RNGTT: variants seen among roughly 807,000 people sequenced by gnomAD.
RNGTT encodes mRNA-capping enzyme.
Under a neutral mutation model 79.3 loss-of-function variants are expected in RNGTT, and 33 were observed. The ratio of observed to expected loss-of-function variants is 0.42; its 90% CI spans 0.32 to 0.56. The LOEUF is 0.56. RNGTT is among the 20% of genes least tolerant of loss of function. The pLI, the probability that RNGTT is intolerant of heterozygous loss-of-function variation, is 0.17. For synonymous variants in RNGTT, 222 were observed against 235.9 expected, an observed-to-expected ratio of 0.94 and a Z score of 0.54; for missense variants, 497 against 739.1, an observed-to-expected ratio of 0.67 and a Z score of 3.80.
chr6:88,842,881 A>G (rs9362574), intron 11 of RNGTT, among the ~76,000 whole-genome samples: 9,045 of 152,014 alleles, frequency 0.06, 485 homozygotes, highest in African/African-American at 0.14. Context: ...AGACCAGCCT[A>G]GGCAACACAG....
intron 11 of RNGTT, 43 bp from the exon 12 acceptor site, chr6:88,801,675 C>T: frequency 7.7e-7 from 1 of 1,297,586 alleles, no homozygotes; most frequent in Non-Finnish European, 1.1e-6. Context: ...ATATAATAAT[C>T]ACTTTAAAAG....
intron 8 of RNGTT, among the ~76,000 whole-genome samples, chr6:88,883,412 T>C (rs1021434436): frequency 1.3e-4 from 20 of 152,236 alleles, no homozygotes; most frequent in Admixed American, 8.5e-4. Flanking sequence ...CAAAACACAC[T>C]GCTGAATAGT....
intron 12 of RNGTT, among the ~76,000 whole-genome samples, chr6:88,774,154 A>G (rs1778792731): frequency 6.6e-6 from 1 of 152,202 alleles, no homozygotes; most frequent in African/African-American, 2.4e-5. Context: ...TTAAAAGTCA[A>G]AAGACTTGAA....
At chr6:88,641,679 T>A (rs531237896) in intron 14 of RNGTT, among the ~76,000 whole-genome samples, 34 of 152,326 alleles carry the variant, frequency 2.2e-4, no homozygotes, top group African/African-American at 7.2e-4. Context: ...CATCACTTGG[T>A]ATGGCTGTGA....
chr6:88,954,146 T>C (rs972850763), intron 1 of RNGTT, among the ~76,000 whole-genome samples: 2 of 152,170 alleles, frequency 1.3e-5, no homozygotes, highest in Admixed American at 1.3e-4. Flanking sequence ...TGTATTAACA[T>C]TGAATAGAAA....
intron 11 of RNGTT, among the ~76,000 whole-genome samples, chr6:88,819,462 A>T (rs1412457586): frequency 2.0e-5 from 3 of 152,170 alleles, no homozygotes; most frequent in African/African-American, 7.2e-5. Context: ...AACCATCCAA[A>T]CAGTAGGATC....
chr6:88,738,901 A>T (rs1352810582), intron 13 of RNGTT, among the ~76,000 whole-genome samples: 1 of 151,992 alleles, frequency 6.6e-6, no homozygotes, highest in Non-Finnish European at 1.5e-5. Flanking sequence ...TAATGCATTC[A>T]CATAAAAGAA....
intron 13 of RNGTT, among the ~76,000 whole-genome samples, chr6:88,740,266 C>T (rs1476374010): frequency 6.6e-6 from 1 of 152,022 alleles, no homozygotes; most frequent in Non-Finnish European, 1.5e-5. Context: ...GCCTTTAATC[C>T]TAGCACTTTG....
In RNGTT at chr6:88,934,028, T is replaced by C. The variant is rs1462138043; in HGVS notation, c.175-4761A>G. Reference sequence around the variant, plus strand: ...TTGGTTTTTGTCTTTATAATAGTTTTGTTTTGTTTTTTTGAGAGAGAGACA... The same window carrying C: ...TTGGTTTTTGTCTTTATAATAGTTTCGTTTTGTTTTTTTGAGAGAGAGACA... On this transcript the variant is annotated intron_variant, in intron 2 of 15. Coordinates refer to ENST00000369485, the MANE Select transcript of RNGTT (RefSeq NM_003800.5). Among the ~76,000 whole-genome samples, 5 of 152,248 alleles carry C rather than the reference T, an allele frequency of 3.3e-5. No homozygotes were observed. The East Asian group carries it at 7.7e-4, about 24-fold the overall frequency.
intron 14 of RNGTT, among the ~76,000 whole-genome samples, chr6:88,622,826 C>T (rs186331963): frequency 2.0e-4 from 31 of 152,166 alleles, no homozygotes; most frequent in Non-Finnish European, 4.1e-4. Context: ...ACCATGTGCC[C>T]GGTAAGGTGT....
At chr6:88,699,246 G>T (rs556358446) in intron 13 of RNGTT, among the ~76,000 whole-genome samples, 1 of 152,024 alleles carries the variant, frequency 6.6e-6, no homozygotes, top group Non-Finnish European at 1.5e-5. Context: ...CAGACTTTCC[G>T]AATGACTTAA....
rs745680127 is a variant in RNGTT, at chr6:88,891,926, A to T, written c.685-11T>A. 6.8e-7 allele frequency: 1 copy of T among 1,477,656 alleles called. No homozygotes were observed. The highest frequency in any genetic ancestry group is 1.5e-5 in the African/African-American group (1 of 68,946). The allele number at this position is 1,477,656 out of a possible 1,614,324, so 91.5% of individuals were successfully genotyped here. On this transcript the variant is annotated splice_polypyrimidine_tract_variant and intron_variant, in intron 6 of 15. Transcript: ENST00000369485. ...CAAGAAAATAGCGCCCTTTAAAAAA[A>T]AAATAAGAAAAATAAGGGAAAGAAA...
In RNGTT at chr6:88,799,158, G is replaced by GA. The variant is rs1352805479; in HGVS notation, c.1338+2405dup. Among the ~76,000 whole-genome samples the GA allele has an allele frequency of 2.1e-3, 304 of 143,740 alleles. 4 individuals carry two copies. The highest frequency in any genetic ancestry group is 7.2e-3 in the African/African-American group (282 of 39,156). 94.3% of individuals were successfully genotyped at this position (143,740 alleles called of 152,430 possible). ...TCAGTTACAGAACAGAAAAAGACCT[G>GA]AAAAAAAAAAGCCATAGCATTCATT... On this transcript the variant is annotated intron_variant, in intron 12 of 15. Coordinates refer to ENST00000369485, the MANE Select transcript of RNGTT (RefSeq NM_003800.5).
intron 2 of RNGTT, among the ~76,000 whole-genome samples, chr6:88,930,070 G>A (rs1017970196): frequency 6.9e-6 from 1 of 145,376 alleles, no homozygotes; most frequent in Non-Finnish European, 1.5e-5. Context: ...ATATGCATAT[G>A]TATACATATA....
intron 12 of RNGTT, among the ~76,000 whole-genome samples, chr6:88,791,293 A>G (rs1278857839): frequency 6.6e-6 from 1 of 151,880 alleles, no homozygotes; most frequent in Non-Finnish European, 1.5e-5. Context: ...GTGTGCCACC[A>G]TGCCTGGCTA....
chr6:88,840,002 G>A (rs1385874685), intron 11 of RNGTT, among the ~76,000 whole-genome samples: 1 of 152,096 alleles, frequency 6.6e-6, no homozygotes, highest in Non-Finnish European at 1.5e-5. Context: ...AGATTTTAAA[G>A]ATACACATAT....
intron 13 of RNGTT, among the ~76,000 whole-genome samples, chr6:88,752,929 G>A (rs9344855): frequency 0.14 from 21,072 of 151,744 alleles, 1,600 homozygotes; most frequent in Middle Eastern, 0.24. Context: ...TAATCTAAAC[G>A]TTTCTGATGA....
rs191203227 is a variant in RNGTT, at chr6:88,749,282, T to A, written c.1439+20492A>T. Among the ~76,000 whole-genome samples, 37 of 152,204 alleles carry A rather than the reference T, an allele frequency of 2.4e-4. 1 individual carries two copies. Among genetic ancestry groups the A allele is most frequent in the Admixed American group, 2.4e-3 (36 of 15,284 alleles). On this transcript the variant is annotated intron_variant, in intron 13 of 15. Coordinates refer to ENST00000369485, the MANE Select transcript of RNGTT (RefSeq NM_003800.5). ...AAAGCAATCAAATATTGACTGTATGTAACAAAAATAATAAGGTATTGTGGG... is the reference window on the plus strand; with the variant it reads ...AAAGCAATCAAATATTGACTGTATGAAACAAAAATAATAAGGTATTGTGGG...
chr6:88,680,050 T>C (rs541681460), intron 13 of RNGTT, among the ~76,000 whole-genome samples: 1 of 152,308 alleles, frequency 6.6e-6, no homozygotes, highest in East Asian at 1.9e-4. Context: ...AATGGAACAC[T>C]GTGTGGTATC....
Sources: gnomAD v4.1 joint callset for allele counts (sites outside exome capture counted in the v4.1 genomes callset) on GRCh38, gnomAD v4.1.1 for gene constraint, MANE v1.5 for transcripts, NCBI Gene and HGNC (gene_info 2026-07-23, HGNC 2026-07-21) for gene names.